Variants in ZNF407 observed in about 807,000 individuals in gnomAD.
The protein encoded by ZNF407 is zinc finger protein 407.
A neutral mutation model predicts 131.2 loss-of-function variants in ZNF407; 17 were observed. The observed-to-expected ratio is 0.13, with a 90% CI of 0.09 to 0.19. The LOEUF is 0.19. Ranked by LOEUF, ZNF407 falls within the 10% of genes least tolerant of loss-of-function variation. The probability of loss-of-function intolerance (pLI) is 1.00; values close to 1 mark genes in which losing one functional copy is unlikely to be tolerated. For synonymous variants in ZNF407, 1,156 were observed against 1,062.0 expected (o/e 1.09, Z -1.72); for missense variants, 2,681 against 2,830.6 (o/e 0.95, Z 1.20).
intron 8 of ZNF407, among the ~76,000 whole-genome samples, chr18:74,957,196 T>C (rs541195671): frequency 3.2e-4 from 49 of 152,072 alleles, no homozygotes; most frequent in African/African-American, 1.1e-3. Context: ...CAGCTGAAGG[T>C]TGCCTTTTCT....
Position 74,877,275 on chromosome 18 carries a change from A to G in ZNF407, c.4956A>G (p.Gly1652=), listed in dbSNP as rs202113246. ...ALNNHMKLHT[G]EKPFKCTWPT... Reference sequence around the variant, plus strand: ...ACAACCACATGAAACTCCACACGGGAGAAAAGCCGTTTAAATGTACCTGGC... The same window carrying G: ...ACAACCACATGAAACTCCACACGGGGGAAAAGCCGTTTAAATGTACCTGGC... Residue 1652 remains glycine (G), a synonymous_variant, in exon 5 of 9, where the codon GGA becomes GGG. Transcript: ENST00000299687. 6.4e-5 allele frequency: 103 copies of G among 1,614,006 alleles called. No individual in the cohort carries two copies. In the East Asian group the frequency reaches 2.0e-3, roughly 31 times the overall value.
chr18:74,757,018 T>G (rs999130890), intron 3 of ZNF407, among the ~76,000 whole-genome samples: 1 of 151,958 alleles, frequency 6.6e-6, no homozygotes, highest in African/African-American at 2.4e-5. Flanking sequence ...TAACAGTTTG[T>G]CATTTTTGAT....
rs1412091603 is a variant in ZNF407, at chr18:74,789,237, CTTG to C, written c.4877+7740_4877+7742del. 3.9e-5 allele frequency among the ~76,000 whole-genome samples: 6 copies of C among 152,114 alleles called. No homozygotes were observed. The East Asian group carries it at 7.7e-4, about 20-fold the overall frequency. ...GTTAGGAAAGTCCCTCTCGAAGGGC[CTTG>C]TTGTGTTTGATAGGTGGTTAGAGCA... On this transcript the variant is annotated intron_variant, in intron 4 of 8. Transcript: ENST00000299687.
Position 75,030,608 on chromosome 18 carries a change from A to T in ZNF407, c.5429-32542A>T, listed in dbSNP as rs376611449. 9.8e-5 allele frequency among the ~76,000 whole-genome samples: 15 copies of T among 152,338 alleles called. No individual in the cohort carries two copies. In the East Asian group the frequency reaches 1.9e-3, roughly 20 times the overall value. On this transcript the variant is annotated intron_variant, in intron 8 of 8. Transcript: ENST00000299687. ...TGCTGTTGGCCAGGTGACATACTAGAGGCCACATAAGTGCAAGGAAGAGCA... is the reference window on the plus strand; with the variant it reads ...TGCTGTTGGCCAGGTGACATACTAGTGGCCACATAAGTGCAAGGAAGAGCA...
intron 8 of ZNF407, among the ~76,000 whole-genome samples, chr18:74,924,534 A>T (rs920090030): frequency 7.2e-5 from 11 of 152,154 alleles, no homozygotes; most frequent in Non-Finnish European, 1.5e-4. Context: ...TGATCTCTTC[A>T]GTTTTAACAA....
intron 3 of ZNF407, among the ~76,000 whole-genome samples, chr18:74,706,909 A>G (rs1009252828): frequency 1.0e-4 from 15 of 147,588 alleles, no homozygotes; most frequent in African/African-American, 3.5e-4. Context: ...CCTCAGCTGC[A>G]CTGTTCATTC....
chr18:74,705,840 A>G (rs551119563), intron 3 of ZNF407, among the ~76,000 whole-genome samples: 20 of 152,364 alleles, frequency 1.3e-4, no homozygotes, highest in African/African-American at 3.8e-4. Context: ...CAAACTATGC[A>G]TATAAAATAC....
intron 3 of ZNF407, among the ~76,000 whole-genome samples, chr18:74,766,343 GCTTCTT>G (rs1431719187): frequency 1.3e-5 from 2 of 152,170 alleles, no homozygotes; most frequent in African/African-American, 4.8e-5. Flanking sequence ...CCCATCCTAT[GCTTCTT>G]AAACTTACCC....
chr18:74,741,453 C>G (rs1040527947), intron 3 of ZNF407, among the ~76,000 whole-genome samples: 1 of 152,014 alleles, frequency 6.6e-6, no homozygotes, highest in African/African-American at 2.4e-5. Flanking sequence ...CCTAAAACAA[C>G]TGTTTTATGT....
chr18:75,032,614 G>A (rs1056582897), intron 8 of ZNF407, among the ~76,000 whole-genome samples: 5 of 152,168 alleles, frequency 3.3e-5, no homozygotes, highest in East Asian at 3.9e-4. Flanking sequence ...AGCTTCATAC[G>A]CATTTAGCAT....
At chr18:74,927,787 G>T (rs964967818) in intron 8 of ZNF407, among the ~76,000 whole-genome samples, 1 of 152,014 alleles carries the variant, frequency 6.6e-6, no homozygotes, top group Non-Finnish European at 1.5e-5. Context: ...ATTTCAAGTT[G>T]CTATTAAGGA....
Position 74,666,866 on chromosome 18 carries a change from T to C in ZNF407, c.4802+25744T>C, listed in dbSNP as rs142175827. Among the ~76,000 whole-genome samples, 219 of 151,668 alleles carry C rather than the reference T, an allele frequency of 1.4e-3. 1 individual carries two copies. The highest frequency in any genetic ancestry group is 4.2e-3 in the African/African-American group (174 of 41,346). ...TGCTAAATTGTATGTTGGAACCCTG[T>C]TTCCCAACACACTGAGCTGTGTAGA... On this transcript the variant is annotated intron_variant, in intron 3 of 8. Transcript: ENST00000299687.
intron 3 of ZNF407, among the ~76,000 whole-genome samples, chr18:74,676,253 G>A (rs886933952): frequency 6.6e-6 from 1 of 151,840 alleles, no homozygotes; most frequent in Non-Finnish European, 1.5e-5. Flanking sequence ...TGCCACGCCC[G>A]GCTAATTTTT....
At chr18:74,995,950 T>G (rs377666011) in intron 8 of ZNF407, among the ~76,000 whole-genome samples, 1 of 152,366 alleles carries the variant, frequency 6.6e-6, no homozygotes, top group East Asian at 1.9e-4. Flanking sequence ...AAAATTCAGT[T>G]TTAACCACTG....
intron 4 of ZNF407, among the ~76,000 whole-genome samples, chr18:74,871,715 A>T (rs913957038): frequency 1.3e-5 from 2 of 152,190 alleles, no homozygotes; most frequent in African/African-American, 4.8e-5. Flanking sequence ...TCATATACTA[A>T]TTTGAAAAGA....
At chr18:74,835,057 G>A (rs1210815457) in intron 4 of ZNF407, among the ~76,000 whole-genome samples, 4 of 152,074 alleles carry the variant, frequency 2.6e-5, no homozygotes, top group South Asian at 2.1e-4. Context: ...CATCAGCCTC[G>A]AAGAGCTTCC....
intron 3 of ZNF407, among the ~76,000 whole-genome samples, chr18:74,657,130 G>A (rs1414695482): frequency 7.1e-6 from 1 of 141,654 alleles, no homozygotes; most frequent in Admixed American, 7.1e-5. Context: ...CTTCCTGTTT[G>A]CTTACGTATT....
intron 4 of ZNF407, among the ~76,000 whole-genome samples, chr18:74,786,915 C>T (rs1329472882): frequency 6.9e-6 from 1 of 144,254 alleles, no homozygotes; most frequent in Non-Finnish European, 1.5e-5. Context: ...AAGCAATTCT[C>T]CTGCCTCAGG....
At chr18:74,714,957 G>A (rs1013256769) in intron 3 of ZNF407, among the ~76,000 whole-genome samples, 1 of 152,074 alleles carries the variant, frequency 6.6e-6, no homozygotes. Flanking sequence ...GCGTCGCTCT[G>A]GATAGCCAGG....
Sources: gnomAD v4.1 joint callset for allele counts (sites outside exome capture counted in the v4.1 genomes callset) on GRCh38, gnomAD v4.1.1 for gene constraint, MANE v1.5 for transcripts, NCBI Gene and HGNC (gene_info 2026-07-23, HGNC 2026-07-21) for gene names.